Variants in SUSD1 observed in about 807,000 individuals in gnomAD.
The protein encoded by SUSD1 is sushi domain containing 1.
Under a neutral mutation model 86.9 loss-of-function variants are expected in SUSD1, and 65 were observed. The ratio of observed to expected loss-of-function variants is 0.75; its 90% CI spans 0.61 to 0.92. The LOEUF (loss-of-function observed/expected upper bound fraction) is 0.92. Ranked by LOEUF, SUSD1 falls within the 40% of genes least tolerant of loss-of-function variation. SUSD1 has a pLI of 0.00. For synonymous variants in SUSD1, 346 were observed against 350.0 expected (o/e 0.99, Z 0.13); for missense variants, 850 against 929.7 (o/e 0.91, Z 1.11).
intron 5 of SUSD1, among the ~76,000 whole-genome samples, chr9:112,130,870 T>G (rs1589698657): frequency 7.1e-6 from 1 of 140,794 alleles, no homozygotes; most frequent in Admixed American, 7.1e-5. Context: ...AAAAATACAA[T>G]AACTAGCCAG....
In SUSD1 at chr9:112,111,681, G is replaced by A. The variant is rs905896299; in HGVS notation, c.1144C>T (p.Pro382Ser). 7 of 1,613,964 alleles carry A rather than the reference G, an allele frequency of 4.3e-6. No homozygotes were observed. Among genetic ancestry groups the A allele is most frequent in the Non-Finnish European group, 5.9e-6 (7 of 1,179,944 alleles). Residue 382 changes from proline (P) to serine (S), a missense_variant, in exon 8 of 17, where the codon CCA becomes TCA. Physicochemically the swap from Pro to Ser is moderately conservative, Grantham distance 74. Transcript: ENST00000374270. ...GCTGTCTGGAAACCGATGACGGCTG[G>A]CATCGAGCGCCTGGGAGGTGCTGTG... ...ISTAPPRRSMPAVIGFQTAEV... is the reference protein window; with the variant it reads ...ISTAPPRRSMSAVIGFQTAEV...
At chr9:112,126,510 G>T (rs180816460) in intron 5 of SUSD1, among the ~76,000 whole-genome samples, 2 of 152,288 alleles carry the variant, frequency 1.3e-5, no homozygotes, top group East Asian at 3.9e-4. Context: ...GTTCTCTAGG[G>T]ATTAAGGCTC....
At chr9:112,174,044 A>G (rs548938609) in intron 1 of SUSD1, 1 of 121,186 alleles carries the variant, frequency 8.3e-6, no homozygotes, top group South Asian at 2.2e-4. Flanking sequence ...ACTCCCTGAG[A>G]CGGCTTCCAG....
At chr9:112,134,505 C>T (rs182948910) in intron 5 of SUSD1, among the ~76,000 whole-genome samples, 132 of 152,194 alleles carry the variant, frequency 8.7e-4, no homozygotes, top group African/African-American at 2.9e-3. Flanking sequence ...AACACATGAA[C>T]GGATAATCAA....
At chr9:112,119,425 A>G (rs1170891075) in intron 6 of SUSD1, among the ~76,000 whole-genome samples, 3 of 152,218 alleles carry the variant, frequency 2.0e-5, no homozygotes, top group Non-Finnish European at 4.4e-5. Flanking sequence ...CCAGCCAAAC[A>G]GAAGGGACAG....
chr9:112,159,615 C>T (rs1378621546), intron 1 of SUSD1, among the ~76,000 whole-genome samples: 2 of 152,092 alleles, frequency 1.3e-5, no homozygotes, highest in Non-Finnish European at 2.9e-5. Flanking sequence ...AGACTGGCAT[C>T]CCCAAAAAAA....
intron 6 of SUSD1, among the ~76,000 whole-genome samples, chr9:112,115,586 C>G (rs993123426): frequency 6.6e-6 from 1 of 151,998 alleles, no homozygotes; most frequent in Admixed American, 6.6e-5. Context: ...ATGGGCATAT[C>G]ACTTGAGGTC....
chr9:112,158,070 C>G (rs994651744), intron 1 of SUSD1, among the ~76,000 whole-genome samples: 1 of 151,956 alleles, frequency 6.6e-6, no homozygotes, highest in Non-Finnish European at 1.5e-5. Context: ...GCAATCCACC[C>G]ACCTTGGCCT....
At position 112,102,252 on chromosome 9, in the gene SUSD1, T is replaced by C. The variant is rs139991934; in HGVS notation, c.1205A>G (p.Asn402Ser). ...VDLLEDDGSF[N>S]ISIFNETCLK... is the part of the protein sequence containing the mutation. ...ACAAGTTTCATTAAATATTGAAATA[T>C]TGAAACTTCCATCATCTTCTAAGAG... is the stretch of plus-strand genomic sequence containing the variant. The change falls in exon 9 of 17, where the codon AAT (asparagine) becomes AGT (serine). Residue 402 changes from asparagine (N) to serine (S), a missense_variant. Asn to Ser is a conservative substitution (Grantham distance 46). Coordinates refer to ENST00000374270, the MANE Select transcript of SUSD1 (RefSeq NM_022486.5). 1.1e-4 allele frequency: 173 copies of C among 1,599,898 alleles called. No individual in the cohort carries two copies. Among genetic ancestry groups the C allele is most frequent in the Non-Finnish European group, 1.4e-4 (161 of 1,172,382 alleles).
chr9:112,108,818 A>G lies in SUSD1; in HGVS notation c.1171+2836T>C, dbSNP rs1050351990. Reference sequence around the variant, plus strand: ...AAAAAAAAGAAAGAAAGAAAGAAAAAAAAAAAGAGAGAGAGAAACATGGAG... The same window carrying G: ...AAAAAAAAGAAAGAAAGAAAGAAAAGAAAAAAGAGAGAGAGAAACATGGAG... On this transcript the variant is annotated intron_variant, in intron 8 of 16. Transcript: ENST00000374270. Among the ~76,000 whole-genome samples, 4 of 146,902 alleles carry G rather than the reference A, an allele frequency of 2.7e-5. No homozygotes were observed. The Admixed American group carries it at 2.8e-4, about 10-fold the overall frequency.
At chr9:112,170,708 T>TAGAGAG (rs374990062) in intron 1 of SUSD1, among the ~76,000 whole-genome samples, 41 of 95,504 alleles carry the variant, frequency 4.3e-4, no homozygotes, top group African/African-American at 1.7e-3. Context: ...TATATATATA[T>TAGAGAG]ATAGAGAGAG....
At chr9:112,068,489 C>T (rs1382629228) in intron 12 of SUSD1, among the ~76,000 whole-genome samples, 4 of 151,976 alleles carry the variant, frequency 2.6e-5, no homozygotes, top group Non-Finnish European at 2.9e-5. Flanking sequence ...TTGTTTGAGG[C>T]CAAGAGTTCA....
chr9:112,169,575 C>A (rs375513140), intron 1 of SUSD1, among the ~76,000 whole-genome samples: 1 of 152,086 alleles, frequency 6.6e-6, no homozygotes, highest in Non-Finnish European at 1.5e-5. Context: ...CATTCATTTA[C>A]GCCACACCCT....
chr9:112,083,211 A>C (rs565529190), intron 10 of SUSD1, among the ~76,000 whole-genome samples: 1 of 152,268 alleles, frequency 6.6e-6, no homozygotes, highest in South Asian at 2.1e-4. Context: ...AAATGTCCAA[A>C]ACTTACACGA....
intron 2 of SUSD1, among the ~76,000 whole-genome samples, chr9:112,157,018 G>C (rs1833358690): frequency 6.6e-6 from 1 of 152,152 alleles, no homozygotes; most frequent in South Asian, 2.1e-4. Flanking sequence ...AGTCATCTAA[G>C]TCCCTAAAAG....
intron 2 of SUSD1, 32 bp downstream of exon 2, chr9:112,157,468 C>T (rs1833378656): frequency 1.3e-6 from 2 of 1,487,294 alleles, no homozygotes; most frequent in Admixed American, 1.7e-5. Context: ...CTCGATTCAG[C>T]TTTTCAACTT....
At chr9:112,122,889 T>C (rs907661333) in intron 6 of SUSD1, among the ~76,000 whole-genome samples, 1 of 152,118 alleles carries the variant, frequency 6.6e-6, no homozygotes, top group African/African-American at 2.4e-5. Context: ...AAGTACCATA[T>C]GAGATACCTA....
intron 10 of SUSD1, among the ~76,000 whole-genome samples, chr9:112,096,702 G>C (rs1049451653): frequency 6.6e-6 from 1 of 151,960 alleles, no homozygotes; most frequent in African/African-American, 2.4e-5. Context: ...ACCACACCCA[G>C]CTAATTTTTG....
At chr9:112,118,325 T>G (rs1441353400) in intron 6 of SUSD1, among the ~76,000 whole-genome samples, 2 of 152,222 alleles carry the variant, frequency 1.3e-5, no homozygotes, top group East Asian at 3.8e-4. Context: ...CCACAGTGCC[T>G]ACTTGAATAA....
Sources: gnomAD v4.1 joint callset for allele counts (sites outside exome capture counted in the v4.1 genomes callset) on GRCh38, gnomAD v4.1.1 for gene constraint, MANE v1.5 for transcripts, NCBI Gene and HGNC (gene_info 2026-07-23, HGNC 2026-07-21) for gene names.